DPP10: variants seen among roughly 807,000 people sequenced by gnomAD.
DPP10 encodes the protein inactive dipeptidyl peptidase 10.
Under a neutral mutation model 120.9 loss-of-function variants are expected in DPP10, and 33 were observed. That is an observed-to-expected ratio of 0.27 (90% confidence interval 0.21 to 0.37). The LOEUF is 0.37. DPP10 is among the 10% of genes least tolerant of loss of function. DPP10 has a pLI of 1.00. For missense variants in DPP10, 816 were observed against 942.8 expected (o/e 0.87, Z 1.76); for synonymous variants, 337 against 326.1 (o/e 1.03, Z -0.36).
In DPP10 at chr2:115,130,029, C is replaced by T. The variant is rs117974902; in HGVS notation, c.61-179210C>T. On this transcript the variant is annotated intron_variant, in intron 1 of 25. Transcript: ENST00000410059. ...TTTTTCCTTTCAGCAAGTGCACCTG[C>T]TTAGGACTCACTAAACCATTTTCAC... Among the ~76,000 whole-genome samples, 37 of 152,264 alleles carry T rather than the reference C, an allele frequency of 2.4e-4. No homozygotes were observed. The East Asian group carries it at 6.2e-3, about 25-fold the overall frequency.
chr2:114,488,750 G>A (rs1367081287), intron 1 of DPP10, among the ~76,000 whole-genome samples: 1 of 152,148 alleles, frequency 6.6e-6, no homozygotes, highest in South Asian at 2.1e-4. Context: ...CAGACTAAAT[G>A]AGCCTCTGCA....
chr2:115,468,161 C>T, intron 3 of DPP10: 1 of 494,448 alleles, frequency 2.0e-6, no homozygotes, highest in South Asian at 1.5e-5. Flanking sequence ...CTAAATGGAT[C>T]AGTACATCTG....
At chr2:115,371,992 C>G (rs113037223) in intron 3 of DPP10, among the ~76,000 whole-genome samples, 4 of 152,078 alleles carry the variant, frequency 2.6e-5, no homozygotes, top group Non-Finnish European at 5.9e-5. Flanking sequence ...ACAGTTCTAA[C>G]AGGGACTTTA....
intron 1 of DPP10, among the ~76,000 whole-genome samples, chr2:115,190,739 CGGTCCGTGAGA>C (rs1399645914): frequency 2.0e-5 from 3 of 152,132 alleles, no homozygotes; most frequent in Admixed American, 2.0e-4. Flanking sequence ...AGCTCATGCC[CGGTCCGTGAGA>C]GAACCGCCCA....
At chr2:114,923,696 G>A (rs562682867) in intron 1 of DPP10, among the ~76,000 whole-genome samples, 1 of 151,284 alleles carries the variant, frequency 6.6e-6, no homozygotes, top group African/African-American at 2.4e-5. Flanking sequence ...TCGATCTCCT[G>A]ACCTCATGAT....
At chr2:114,767,207 C>CAAAAAAAAAAAAAAAAA (rs5833559) in intron 1 of DPP10, among the ~76,000 whole-genome samples, 8 of 33,060 alleles carry the variant, frequency 2.4e-4, no homozygotes, top group East Asian at 2.4e-3. Context: ...AGGATAAAAG[C>CAAAAAAAAAAAAAAAAA]AAAAAAAAAA....
chr2:115,557,150 G>A (rs1260820515), intron 5 of DPP10, among the ~76,000 whole-genome samples: 1 of 151,710 alleles, frequency 6.6e-6, no homozygotes, highest in Non-Finnish European at 1.5e-5. Flanking sequence ...TATGTCTGTG[G>A]GTGTCTCTCT....
intron 1 of DPP10, among the ~76,000 whole-genome samples, chr2:114,679,041 C>G (rs900465248): frequency 6.6e-6 from 1 of 152,044 alleles, no homozygotes; most frequent in African/African-American, 2.4e-5. Context: ...CACAGACTTT[C>G]CTAGGAGCAG....
At chr2:115,650,384 A>T (rs2087651715) in intron 5 of DPP10, among the ~76,000 whole-genome samples, 1 of 131,858 alleles carries the variant, frequency 7.6e-6, no homozygotes, top group African/African-American at 2.7e-5. Flanking sequence ...TGGCATCCAG[A>T]TAAAGGCACA....
chr2:115,412,431 G>C (rs2069023786), intron 3 of DPP10, among the ~76,000 whole-genome samples: 1 of 152,150 alleles, frequency 6.6e-6, no homozygotes, highest in South Asian at 2.1e-4. Flanking sequence ...TTACTAAGAA[G>C]AGCAGATATT....
In DPP10 at chr2:115,802,768, T is replaced by C. The variant is rs1302320567; in HGVS notation, c.1700+11412T>C. ...GAGTGAGTTTCTTAATCCTGAGTTC[T>C]AGTTTGATTGCACTGTGGTCTGAGA... On this transcript the variant is annotated intron_variant, in intron 19 of 25. Transcript: ENST00000410059. 1.4e-4 allele frequency among the ~76,000 whole-genome samples: 22 copies of C among 151,970 alleles called. 1 individual carries two copies. The highest frequency in any genetic ancestry group is 1.4e-3 in the Admixed American group (22 of 15,254).
intron 1 of DPP10, among the ~76,000 whole-genome samples, chr2:114,542,729 A>G (rs540648152): frequency 1.3e-5 from 2 of 152,328 alleles, no homozygotes; most frequent in African/African-American, 4.8e-5. Context: ...GAGAAAATCT[A>G]TGTTAAAAAA....
intron 19 of DPP10, among the ~76,000 whole-genome samples, chr2:115,800,205 A>T (rs940432320): frequency 2.6e-5 from 4 of 151,512 alleles, no homozygotes; most frequent in African/African-American, 9.7e-5. Flanking sequence ...GCATTTTTTC[A>T]TGTGTCTTTT....
chr2:115,734,655 TAAAAAAAAAA>T (rs55950813), intron 8 of DPP10, among the ~76,000 whole-genome samples: 61 of 100,406 alleles, frequency 6.1e-4, no homozygotes, highest in African/African-American at 1.3e-3. Flanking sequence ...GACTCTGTCT[TAAAAAAAAAA>T]AAAAAAAAAA....
At chr2:115,544,886 T>G (rs1054175416) in intron 5 of DPP10, among the ~76,000 whole-genome samples, 1 of 152,076 alleles carries the variant, frequency 6.6e-6, no homozygotes, top group African/African-American at 2.4e-5. Flanking sequence ...GTATTTTCTG[T>G]TTGTTAAATA....
rs190296814 is a variant in DPP10 at position 115,041,768 on chromosome 2, T to C, written c.61-267471T>C. Among the ~76,000 whole-genome samples the C allele has an allele frequency of 4.2e-4, 64 of 152,242 alleles. 1 individual carries two copies. In the South Asian group the frequency reaches 9.1e-3, roughly 22 times the overall value. ...AGTGTCCAGATACCTGGAAATCTCT[T>C]GCTGACCTTATCCTTCATCATTTTA... On this transcript the variant is annotated intron_variant, in intron 1 of 25. Transcript: ENST00000410059.
chr2:115,171,341 G>T (rs1191511958), intron 1 of DPP10, among the ~76,000 whole-genome samples: 1 of 145,762 alleles, frequency 6.9e-6, no homozygotes, highest in African/African-American at 2.6e-5. Flanking sequence ...AGTCTGGGTG[G>T]CAGAGCGAGA....
At chr2:114,558,177 G>C (rs1258198422) in intron 1 of DPP10, among the ~76,000 whole-genome samples, 2 of 152,170 alleles carry the variant, frequency 1.3e-5, no homozygotes, top group African/African-American at 2.4e-5. Flanking sequence ...AAGACAGAGT[G>C]CCCGGGCGCT....
At chr2:115,583,669 A>G (rs552030640) in intron 5 of DPP10, among the ~76,000 whole-genome samples, 1 of 152,222 alleles carries the variant, frequency 6.6e-6, no homozygotes, top group South Asian at 2.1e-4. Context: ...CACTTCCACT[A>G]TATTCTACTG....
Sources: gnomAD v4.1 joint callset for allele counts (sites outside exome capture counted in the v4.1 genomes callset) on GRCh38, gnomAD v4.1.1 for gene constraint, MANE v1.5 for transcripts, NCBI Gene and HGNC (gene_info 2026-07-23, HGNC 2026-07-21) for gene names.